The following WNT5B variants were observed in gnomAD, a reference collection of about 807,000 sequenced individuals.
The protein encoded by WNT5B is Wnt family member 5B.
Under a neutral mutation model 36.5 loss-of-function variants are expected in WNT5B, and 18 were observed. The ratio of observed to expected loss-of-function variants is 0.49; its 90% confidence interval spans 0.34 to 0.73. WNT5B has a LOEUF of 0.73. Ranked by LOEUF, WNT5B falls within the 30% of genes least tolerant of loss-of-function variation. The probability of loss-of-function intolerance (pLI) is 0.01; values close to 1 mark genes in which losing one functional copy is unlikely to be tolerated. For missense variants in WNT5B, 424 were observed against 508.4 expected (o/e 0.83, Z 1.60); for synonymous variants, 213 against 212.3 (o/e 1.00, Z -0.03).
At chr12:1,627,823 A>T (rs185599586), upstream of WNT5B, among the ~76,000 whole-genome samples, 13 of 152,192 alleles carry the variant, frequency 8.5e-5, no homozygotes, top group Admixed American at 8.5e-4. The surrounding 1 kb of genome is among the most constrained non-coding windows in gnomAD (Gnocchi z 5.0). Context: ...AGAACCCTAC[A>T]TCAAGTATGC....
At chr12:1,634,819 C>T (rs952940979) in intron 3 of WNT5B, among the ~76,000 whole-genome samples, 9 of 152,176 alleles carry the variant, frequency 5.9e-5, no homozygotes, top group African/African-American at 1.9e-4. Context: ...AGCCTCGGCC[C>T]GTTGCCCAGC....
chr12:1,617,928 C>T (rs896783420), intron 1 of WNT5B, among the ~76,000 whole-genome samples: 12 of 152,076 alleles, frequency 7.9e-5, no homozygotes, highest in South Asian at 6.2e-4. Context: ...TGCTTGAGGC[C>T]GGGAGTTCAA....
upstream of WNT5B, among the ~76,000 whole-genome samples, chr12:1,626,112 C>G (rs542171882): frequency 2.0e-5 from 3 of 151,386 alleles, no homozygotes; most frequent in Admixed American, 2.0e-4. Context: ...CCAGGCACCA[C>G]CATGCTCGGC....
intron 1 of WNT5B, among the ~76,000 whole-genome samples, chr12:1,619,113 TCCCACCAAGCCCCCAGCCCCTC>T (rs1444113122): frequency 2.8e-5 from 2 of 70,914 alleles, no homozygotes; most frequent in Admixed American, 1.5e-4. Context: ...CCCCAGCCCC[TCCCACCAAGCCCCCAGCCCCTC>T]CCCACCCCTA....
rs373896477 is a variant in WNT5B, at chr12:1,646,028, G to A, written c.856G>A (p.Asp286Asn). ...EDLVYVDPSP[D>N]YCLRNESTGS... ...CCTGGTCTATGTGGACCCCAGCCCC[G>A]ACTACTGCCTGCGCAACGAGAGCAC... Residue 286 changes from aspartate (D) to asparagine (N), a missense_variant, in exon 5 of 5, where the codon GAC (aspartate) becomes AAC (asparagine). Asp to Asn is a conservative substitution (Grantham distance 23). Coordinates refer to ENST00000397196, the MANE Select transcript of WNT5B (RefSeq NM_032642.3). The A allele has an allele frequency of 1.5e-4, 249 of 1,612,960 alleles. No homozygotes were observed. Among genetic ancestry groups the A allele is most frequent in the South Asian group, 1.5e-3 (138 of 91,070 alleles).
intron 1 of WNT5B, among the ~76,000 whole-genome samples, chr12:1,621,029 A>T (rs78186514): frequency 0.27 from 1,208 of 4,520 alleles, 23 homozygotes; most frequent in East Asian, 0.46. Context: ...GAGAACTGCC[A>T]TGGGGAAATT....
intron 3 of WNT5B, among the ~76,000 whole-genome samples, chr12:1,637,837 T>C (rs1449362344): frequency 1.3e-5 from 2 of 152,072 alleles, no homozygotes; most frequent in African/African-American, 4.8e-5. Flanking sequence ...CATCCCTTAA[T>C]TAAAAATACT....
intron 3 of WNT5B, among the ~76,000 whole-genome samples, chr12:1,639,380 C>T (rs2094569068): frequency 6.6e-6 from 1 of 152,128 alleles, no homozygotes; most frequent in African/African-American, 2.4e-5. Context: ...CCTCGTGGTC[C>T]GCCCGCCCCG....
In WNT5B at chr12:1,639,676, T is replaced by C; in HGVS notation, c.329-8T>C. On this transcript the variant is annotated splice_polypyrimidine_tract_variant and splice_region_variant and intron_variant, in intron 3 of 4. Transcript: ENST00000397196. The stretch of plus-strand genomic sequence containing the variant: ...GCACCCGCTTACCGCCCTGGCCTCA[T>C]TCTGCAGGCAGCCGAGAGACCGCCT... 6.5e-7 allele frequency: 1 copy of C among 1,537,442 alleles called. No individual in the cohort carries two copies. Among genetic ancestry groups the C allele is most frequent in the Non-Finnish European group, 8.7e-7 (1 of 1,151,478 alleles).
chr12:1,626,267 A>AT (rs201099839), upstream of WNT5B, among the ~76,000 whole-genome samples: 5,337 of 142,530 alleles, frequency 0.037, 104 homozygotes, highest in African/African-American at 0.057. Flanking sequence ...CCACAAGTGT[A>AT]TTTTTTTTTT....
chr12:1,638,699 G>A (rs907630469), intron 3 of WNT5B, among the ~76,000 whole-genome samples: 1 of 152,216 alleles, frequency 6.6e-6, no homozygotes, highest in African/African-American at 2.4e-5. Flanking sequence ...GAGGGACCGT[G>A]ATGAGTGTCT....
At chr12:1,626,626 A>G (rs1267280366), upstream of WNT5B, among the ~76,000 whole-genome samples, 2 of 147,744 alleles carry the variant, frequency 1.4e-5, no homozygotes, top group South Asian at 2.2e-4. Context: ...GTGCAGTGGC[A>G]CGATCTTGAC....
In WNT5B at chr12:1,632,400, A is replaced by G. The variant is rs940066061; in HGVS notation, c.81-258A>G. 1.1e-4 allele frequency among the ~76,000 whole-genome samples: 16 copies of G among 152,020 alleles called. No homozygotes were observed. The highest frequency in any genetic ancestry group is 1.6e-4 in the Non-Finnish European group (11 of 68,018). On this transcript the variant is annotated intron_variant, in intron 2 of 4. Coordinates refer to ENST00000397196, the MANE Select transcript of WNT5B (RefSeq NM_032642.3). The surrounding 1 kb of genome is among the most constrained non-coding windows in gnomAD (Gnocchi z 5.8). Reference sequence around the variant, plus strand: ...CTTCAGCCATAAGGGCTATTTTCCTATCTGATCACAGCAGATCCAGAAGCA... The same window carrying G: ...CTTCAGCCATAAGGGCTATTTTCCTGTCTGATCACAGCAGATCCAGAAGCA...
intron 1 of WNT5B, 80 bp from the exon 2 acceptor site, chr12:1,631,218 T>C (rs771659138): frequency 2.0e-5 from 27 of 1,370,302 alleles, no homozygotes; most frequent in Non-Finnish European, 2.7e-5. Context: ...TCAGTGCAAC[T>C]TTCTCCGCCT....
chr12:1,639,238 C>A (rs12300239), intron 3 of WNT5B, among the ~76,000 whole-genome samples: 17,932 of 150,436 alleles, frequency 0.12, 1,556 homozygotes, highest in East Asian at 0.27. Context: ...CCCGGGTTCA[C>A]GCCATTCTCC....
At chr12:1,640,079 T>C (rs2094571988) in intron 4 of WNT5B, 103 bp downstream of exon 4, 4 of 1,370,160 alleles carry the variant, frequency 2.9e-6, no homozygotes, top group Admixed American at 2.9e-5. Context: ...CGGGTTAGTC[T>C]GACCGTGAAG....
chr12:1,634,920 A>G (rs565355779), intron 3 of WNT5B, among the ~76,000 whole-genome samples: 11 of 152,336 alleles, frequency 7.2e-5, no homozygotes, highest in African/African-American at 2.4e-4. Context: ...GAAAAGACGC[A>G]TGTCCCTCTA....
intron 4 of WNT5B, 125 bp downstream of exon 4, chr12:1,640,101 C>T: frequency 8.6e-7 from 1 of 1,166,732 alleles, no homozygotes; most frequent in South Asian, 1.6e-5. Context: ...TTCTTACCTA[C>T]GATTGCAAAT....
intron 1 of WNT5B, among the ~76,000 whole-genome samples, chr12:1,617,328 G>A (rs973009151): frequency 6.8e-6 from 1 of 147,742 alleles, no homozygotes; most frequent in African/African-American, 2.5e-5. Flanking sequence ...TATATAATAT[G>A]TATATTGAGG....
Sources: allele counts gnomAD v4.1 joint callset (sites outside exome capture counted in the v4.1 genomes callset), GRCh38; gene constraint gnomAD v4.1.1; non-coding constraint Gnocchi (gnomAD v3.1); transcripts MANE v1.5; gene names NCBI Gene and HGNC (gene_info 2026-07-23, HGNC 2026-07-21).